Variants in EFCAB14 observed in about 807,000 individuals in gnomAD.
The protein encoded by EFCAB14 is EF-hand calcium-binding domain-containing protein 14.
A neutral mutation model predicts 56.5 loss-of-function variants in EFCAB14; 43 were observed. That is an observed-to-expected ratio of 0.76 (90% CI 0.60 to 0.98). The LOEUF (loss-of-function observed/expected upper bound fraction) is 0.98. Ranked by LOEUF, EFCAB14 falls within the 50% of genes least tolerant of loss-of-function variation. The probability of loss-of-function intolerance (pLI) is 0.00; values close to 1 mark genes in which losing one functional copy is unlikely to be tolerated. For synonymous variants in EFCAB14, 235 were observed against 212.9 expected (o/e 1.10, Z -0.90); for missense variants, 538 against 580.3 (o/e 0.93, Z 0.75).
chr1:46,693,203 T>C (rs764714607), intron 4 of EFCAB14, among the ~76,000 whole-genome samples: 8 of 152,194 alleles, frequency 5.3e-5, no homozygotes, highest in Admixed American at 2.0e-4. Context: ...TCAGAAGCCA[T>C]GTTTTAAAAA....
At chr1:46,704,937 T>C (rs1677213461) in intron 3 of EFCAB14, among the ~76,000 whole-genome samples, 1 of 151,932 alleles carries the variant, frequency 6.6e-6, no homozygotes, top group Admixed American at 6.6e-5. Context: ...ACTTACATTG[T>C]GATAAGAACA....
chr1:46,685,837 A>C (rs186625377), intron 8 of EFCAB14, among the ~76,000 whole-genome samples: 31 of 152,306 alleles, frequency 2.0e-4, no homozygotes, highest in Admixed American at 1.8e-3. Flanking sequence ...GTGAGGTTTA[A>C]AAAAAATCTG....
chr1:46,690,277 C>T (rs1307902710), intron 5 of EFCAB14, among the ~76,000 whole-genome samples: 1 of 152,180 alleles, frequency 6.6e-6, no homozygotes, highest in Non-Finnish European at 1.5e-5. Context: ...TGAAGTATAA[C>T]ATGTTTATAT....
chr1:46,688,474 T>A lies in EFCAB14; in HGVS notation c.866A>T (p.Asp289Val), dbSNP rs972698090. ...SALVGYQRQN[D>V]LKLEGMNETV... ...CTCGTTCATTCCCTCGAGTTTAAGA[T>A]CATTCTGTCTCTGGTACCCCACTAG... Residue 289 changes from aspartate (D) to valine (V), a missense_variant, in exon 7 of 11, where the codon GAT becomes GTT. Coordinates refer to ENST00000371933, the MANE Select transcript of EFCAB14 (RefSeq NM_014774.3). 4 of 1,613,836 alleles carry A rather than the reference T, an allele frequency of 2.5e-6. No homozygotes were observed. In the South Asian group the frequency reaches 4.4e-5, roughly 18 times the overall value.
At chr1:46,717,792 G>T (rs919980259) in intron 1 of EFCAB14, 111 bp downstream of exon 1, 29 of 1,175,750 alleles carry the variant, frequency 2.5e-5, no homozygotes, top group Middle Eastern at 2.9e-4. Context: ...GACTTCCAAG[G>T]CCTACACCCT....
At chr1:46,717,485 C>A (rs1384386317) in intron 1 of EFCAB14, among the ~76,000 whole-genome samples, 5 of 152,180 alleles carry the variant, frequency 3.3e-5, no homozygotes, top group African/African-American at 1.2e-4. Flanking sequence ...CCATATTTCC[C>A]CACCACCAAT....
intron 10 of EFCAB14, among the ~76,000 whole-genome samples, chr1:46,680,434 T>C (rs900600259): frequency 6.6e-6 from 1 of 152,208 alleles, no homozygotes; most frequent in Non-Finnish European, 1.5e-5. Flanking sequence ...AAAAACATTA[T>C]GCTAAGTGAA....
Position 46,676,580 on chromosome 1 carries a change from C to T in EFCAB14, c.*1881G>A, listed in dbSNP as rs984441354. On this transcript the variant is annotated 3_prime_UTR_variant, in exon 11 of 11. Transcript: ENST00000371933. ...TATAGCAGTATAATTCAATTTATTG[C>T]TAGAATTTTATTTGGTTGTTAGAAA... The T allele has an allele frequency of 1.3e-5, 2 of 152,320 alleles. No individual in the cohort carries two copies. Among genetic ancestry groups the T allele is most frequent in the African/African-American group, 4.8e-5 (2 of 41,310 alleles). The allele number at this position is 152,320 out of a possible 1,614,324, so 9.4% of individuals were successfully genotyped here.
At chr1:46,688,945 A>C (rs1056722341) in intron 6 of EFCAB14, among the ~76,000 whole-genome samples, 1 of 152,234 alleles carries the variant, frequency 6.6e-6, no homozygotes, top group Non-Finnish European at 1.5e-5. Flanking sequence ...GAATTGGCTC[A>C]TGTAACAATA....
rs371872994 is a variant in EFCAB14, at chr1:46,678,601, C to T, written c.1348G>A (p.Val450Met). The T allele has an allele frequency of 4.2e-5, 67 of 1,613,782 alleles. No individual in the cohort carries two copies. The Admixed American group carries it at 6.0e-4, about 14-fold the overall frequency. ...QDLFRKTGQD[V>M]DGKLTYQEIW... is the part of the protein sequence containing the mutation. ...TCCTGGTAGGTCAGCTTCCCATCCA[C>T]GTCCTGGCCAGTCTTGCGGAATAAA... Residue 450 changes from valine to methionine, a missense_variant, in exon 11 of 11, where the codon GTG becomes ATG. Coordinates refer to ENST00000371933, the MANE Select transcript of EFCAB14 (RefSeq NM_014774.3).
intron 8 of EFCAB14, chr1:46,684,993 T>TA (rs1196349025): frequency 6.1e-6 from 1 of 164,304 alleles, no homozygotes; most frequent in Admixed American, 6.1e-5. Flanking sequence ...CTTTCCGAAA[T>TA]ATCTTGCTTC....
intron 10 of EFCAB14, among the ~76,000 whole-genome samples, chr1:46,680,637 T>C (rs1037502284): frequency 1.3e-5 from 2 of 152,168 alleles, no homozygotes; most frequent in African/African-American, 4.8e-5. Flanking sequence ...ATGAAAATGT[T>C]CTGGAATTAG....
chr1:46,713,288 A>T (rs1190913826), intron 2 of EFCAB14, among the ~76,000 whole-genome samples: 3 of 152,182 alleles, frequency 2.0e-5, no homozygotes, highest in Admixed American at 2.0e-4. Context: ...CCAACAAAAC[A>T]GCTGGACTGA....
Position 46,707,997 on chromosome 1 carries a change from AG to A in EFCAB14, c.388del (p.Leu130TyrfsTer18). 6.2e-7 allele frequency: 1 copy of A among 1,612,930 alleles called. No individual in the cohort carries two copies. The highest frequency in any genetic ancestry group is 2.2e-5 in the East Asian group (1 of 44,762). On this transcript the variant is annotated frameshift_variant, in exon 3 of 11. Transcript: ENST00000371933. LOFTEE classifies it high-confidence loss of function. ...FQEIPKLNEE[L>X]LSKQKQLEKI... is the part of the protein sequence containing the mutation. ...CTCAAGTTGTTTTTGCTTGCTGAGT[AG>A]TTCTTCATTAAGTTTGGGGATTTCT...
chr1:46,707,084 C>G (rs2148849226), intron 3 of EFCAB14, among the ~76,000 whole-genome samples: 1 of 152,324 alleles, frequency 6.6e-6, no homozygotes, highest in Non-Finnish European at 1.5e-5. Context: ...CACAGCACTC[C>G]TTGTCACTAC....
intron 1 of EFCAB14, among the ~76,000 whole-genome samples, 179 bp downstream of exon 1, chr1:46,717,724 C>T (rs1179655870): frequency 3.3e-5 from 5 of 152,338 alleles, no homozygotes; most frequent in African/African-American, 1.2e-4. Context: ...AGATCTCTAA[C>T]TTATTCTTCA....
Position 46,710,272 on chromosome 1 carries a change from T to C in EFCAB14, c.335-2221A>G, listed in dbSNP as rs145350810. On this transcript the variant is annotated intron_variant, in intron 2 of 10. Transcript: ENST00000371933. ...GGGTACACAGCAATGTTTCCATACA[T>C]GTAATGTATAGTGATCAGAGTAATT... Among the ~76,000 whole-genome samples the C allele has an allele frequency of 6.3e-4, 96 of 152,370 alleles. 1 individual carries two copies. The East Asian group carries it at 0.017, about 27-fold the overall frequency.
Position 46,676,364 on chromosome 1 carries a change from ATAG to A in EFCAB14, c.*2094_*2096del, listed in dbSNP as rs1553121528. On this transcript the variant is annotated 3_prime_UTR_variant, in exon 11 of 11. Coordinates refer to ENST00000371933, the MANE Select transcript of EFCAB14 (RefSeq NM_014774.3). ...AAAAACAAAATGGATTTCTCCATGT[ATAG>A]TTATCTGATGCAAGGGAAAATACAC... 6.6e-6 allele frequency: 1 copy of A among 152,424 alleles called. No individual in the cohort carries two copies. The highest frequency in any genetic ancestry group is 1.5e-5 in the Non-Finnish European group (1 of 68,062). 9.4% of individuals were successfully genotyped at this position (152,424 alleles called of 1,614,324 possible).
chr1:46,696,460 T>C, intron 4 of EFCAB14, 91 bp downstream of exon 4: 1 of 1,243,002 alleles, frequency 8.0e-7, no homozygotes, highest in Non-Finnish European at 1.1e-6. Context: ...AGGCTTTCAA[T>C]GAAAACTTAT....
Sources: gnomAD v4.1 joint callset for allele counts (sites outside exome capture counted in the v4.1 genomes callset) on GRCh38, gnomAD v4.1.1 for gene constraint, MANE v1.5 for transcripts, NCBI Gene and HGNC (gene_info 2026-07-23, HGNC 2026-07-21) for gene names.